Variants in NAV2 observed in about 807,000 individuals in gnomAD.
NAV2 encodes neuron navigator 2.
NAV2 carries 54 observed loss-of-function variants against 223.2 expected under a neutral mutation model. The ratio of observed to expected loss-of-function variants is 0.24; its 90% confidence interval spans 0.19 to 0.30. The LOEUF (loss-of-function observed/expected upper bound fraction) is 0.30, where lower values mean the gene tolerates loss of function less well. NAV2 is among the 10% of genes least tolerant of loss of function. The probability of loss-of-function intolerance (pLI) is 1.00; values close to 1 mark genes in which losing one functional copy is unlikely to be tolerated. For missense variants in NAV2, 2,806 were observed against 3,147.5 expected, an observed-to-expected ratio of 0.89 and a Z score of 2.60; for synonymous variants, 1,279 against 1,239.3, an observed-to-expected ratio of 1.03 and a Z score of -0.67.
Position 19,667,461 on chromosome 11 carries a change from G to T in NAV2, c.76-165023G>T, listed in dbSNP as rs770886883. 6.1e-4 allele frequency among the ~76,000 whole-genome samples: 93 copies of T among 152,322 alleles called. 1 individual carries two copies. The highest frequency in any genetic ancestry group is 2.5e-3 in the Admixed American group (39 of 15,304). On this transcript the variant is annotated intron_variant, in intron 1 of 37. Coordinates refer to the NAV2 transcript ENST00000360655. ...CAATACCTGTGGGTGTGCTTTGGGG[G>T]CACGAGGAGGTGAAGAAACAGAGTG...
intron 8 of NAV2, among the ~76,000 whole-genome samples, chr11:19,942,573 T>C (rs994369548): frequency 1.3e-5 from 2 of 152,220 alleles, no homozygotes; most frequent in Non-Finnish European, 2.9e-5. Flanking sequence ...AGTCCATGCT[T>C]TTCCTACAAC....
chr11:19,963,912 A>T (rs1320841494), intron 10 of NAV2, among the ~76,000 whole-genome samples: 1 of 152,126 alleles, frequency 6.6e-6, no homozygotes, highest in Non-Finnish European at 1.5e-5. Flanking sequence ...CTGTTGTTAA[A>T]TCTCATGAAA....
At chr11:19,793,909 AT>A (rs769446150) in intron 1 of NAV2, among the ~76,000 whole-genome samples, 1 of 151,860 alleles carries the variant, frequency 6.6e-6, no homozygotes, top group Non-Finnish European at 1.5e-5. Flanking sequence ...CTTCCTTCTC[AT>A]TTTATCCTCG....
Position 19,674,323 on chromosome 11 carries a change from C to T in NAV2, c.76-158161C>T, listed in dbSNP as rs74534254. ...TTTACACAAGAGGGACGGGAGGGCG[C>T]GCTCTCAAAAGGAGAGCAAGTCCTT... On this transcript the variant is annotated intron_variant, in intron 1 of 37. Coordinates refer to the NAV2 transcript ENST00000360655. 7.6e-3 allele frequency among the ~76,000 whole-genome samples: 1,158 copies of T among 152,278 alleles called. 27 individuals carry two copies. The East Asian group carries it at 0.082, about 11-fold the overall frequency.
chr11:19,406,068 T>A (rs537298573), intron 1 of NAV2, among the ~76,000 whole-genome samples: 2 of 152,268 alleles, frequency 1.3e-5, no homozygotes, highest in Non-Finnish European at 2.9e-5. Context: ...AAAAGAGCTA[T>A]GAGGTGCCTG....
At chr11:19,777,893 G>A (rs1236795933) in intron 1 of NAV2, 1 of 455,886 alleles carries the variant, frequency 2.2e-6, no homozygotes, top group Non-Finnish European at 4.4e-6. Flanking sequence ...CGTCCCCCGA[G>A]CCCCCATTGT....
intron 1 of NAV2, among the ~76,000 whole-genome samples, chr11:19,786,405 T>C (rs73433685): frequency 0.13 from 19,930 of 152,252 alleles, 1,408 homozygotes; most frequent in African/African-American, 0.19. Context: ...GCTCCTGGCA[T>C]ACACTAAGTG....
intron 1 of NAV2, among the ~76,000 whole-genome samples, chr11:19,424,475 T>G (rs1269749299): frequency 1.3e-5 from 2 of 152,208 alleles, no homozygotes; most frequent in African/African-American, 2.4e-5. Context: ...TCCTCCACAT[T>G]CTAAGAAGCG....
chr11:19,761,590 TG>T (rs2054739520), intron 1 of NAV2, among the ~76,000 whole-genome samples: 1 of 152,124 alleles, frequency 6.6e-6, no homozygotes, highest in Non-Finnish European at 1.5e-5. Flanking sequence ...AACACAACAA[TG>T]GCCAGTGTCA....
intron 11 of NAV2, among the ~76,000 whole-genome samples, chr11:20,031,509 T>G (rs112816479): frequency 4.7e-4 from 72 of 152,334 alleles, no homozygotes; most frequent in African/African-American, 1.7e-3. Flanking sequence ...GTATGCCAAG[T>G]GACAAAAAGC....
chr11:19,469,312 A>G (rs1257467437), intron 1 of NAV2, among the ~76,000 whole-genome samples: 1 of 152,190 alleles, frequency 6.6e-6, no homozygotes, highest in Non-Finnish European at 1.5e-5. Flanking sequence ...CCATCTCTTT[A>G]GGCTGTGATC....
chr11:19,451,291 T>C (rs1377685147), intron 1 of NAV2, among the ~76,000 whole-genome samples: 3 of 152,198 alleles, frequency 2.0e-5, no homozygotes, highest in East Asian at 1.9e-4. Flanking sequence ...TCTTCTTTCA[T>C]GACTCCAAGA....
In NAV2 at chr11:19,952,457, C is replaced by G. The variant is rs1403991599; in HGVS notation, c.2645+3377C>G. On this transcript the variant is annotated intron_variant, in intron 10 of 37. Coordinates refer to ENST00000349880, the MANE Select transcript of NAV2 (RefSeq NM_145117.5). ...CGGGGTCTAGATGCCTTATCTCCCTCAAACATCCAGGCGCTTGGAAACAAT... is the reference window on the plus strand; with the variant it reads ...CGGGGTCTAGATGCCTTATCTCCCTGAAACATCCAGGCGCTTGGAAACAAT... 5.3e-5 allele frequency among the ~76,000 whole-genome samples: 8 copies of G among 152,206 alleles called. No individual in the cohort carries two copies. The East Asian group carries it at 1.5e-3, about 29-fold the overall frequency.
At chr11:20,056,377 C>T (rs1591889188) in intron 19 of NAV2, among the ~76,000 whole-genome samples, 1 of 152,226 alleles carries the variant, frequency 6.6e-6, no homozygotes, top group East Asian at 1.9e-4. Context: ...GGCCGGGCAG[C>T]CACGCCTTTC....
intron 7 of NAV2, among the ~76,000 whole-genome samples, chr11:19,937,278 G>A (rs746321930): frequency 2.5e-4 from 38 of 151,894 alleles, no homozygotes; most frequent in Non-Finnish European, 4.3e-4. Context: ...TCTATAAAAT[G>A]GTTTATTCTC....
intron 1 of NAV2, among the ~76,000 whole-genome samples, chr11:19,623,740 T>C (rs1017416171): frequency 1.8e-4 from 28 of 152,208 alleles, no homozygotes; most frequent in African/African-American, 6.0e-4. Flanking sequence ...GAAATTTGAT[T>C]GTCTGAAACC....
intron 6 of NAV2, among the ~76,000 whole-genome samples, chr11:19,894,180 T>C (rs763805868): frequency 6.6e-6 from 1 of 152,234 alleles, no homozygotes; most frequent in Non-Finnish European, 1.5e-5. Context: ...AAAGTTTAAG[T>C]ACTTGCTGAA....
chr11:19,945,350 T>TCCTTC (rs1019309379), intron 8 of NAV2, among the ~76,000 whole-genome samples: 8 of 100,278 alleles, frequency 8.0e-5, no homozygotes, highest in African/African-American at 3.2e-4. Flanking sequence ...TCCTTCCCTT[T>TCCTTC]CCTTCCCTTC....
At chr11:20,091,917 T>A (rs191025796) in intron 27 of NAV2, among the ~76,000 whole-genome samples, 17 of 152,274 alleles carry the variant, frequency 1.1e-4, no homozygotes, top group Non-Finnish European at 1.5e-4. Context: ...TGCACAAACC[T>A]CTTAGATCAT....
Sources: gnomAD v4.1 joint callset for allele counts (sites outside exome capture counted in the v4.1 genomes callset) on GRCh38, gnomAD v4.1.1 for gene constraint, MANE v1.5 for transcripts, NCBI Gene and HGNC (gene_info 2026-07-23, HGNC 2026-07-21) for gene names.